RAD52: variants seen among roughly 807,000 people sequenced by gnomAD.
RAD52 encodes the protein RAD52 DNA repair protein, also known as DNA repair protein RAD52 homolog.
A neutral mutation model predicts 55.5 loss-of-function variants in RAD52; 47 were observed. The ratio of observed to expected loss-of-function variants is 0.85; its 90% CI spans 0.67 to 1.08. The LOEUF is 1.08. Among genes scored for constraint, RAD52 ranks in the 50% least tolerant of loss-of-function variants. RAD52 has a pLI of 0.00. For missense variants in RAD52, 468 were observed against 522.8 expected (o/e 0.90, Z 1.02); for synonymous variants, 184 against 198.9 (o/e 0.92, Z 0.63).
chr12:961,309 C>CAAAAAAAAAAAAAAAA (rs60547688), intron 1 of RAD52, among the ~76,000 whole-genome samples: 10 of 33,810 alleles, frequency 3.0e-4, no homozygotes, highest in East Asian at 2.9e-3. Context: ...GACTCCATCT[C>CAAAAAAAAAAAAAAAA]AAAAAAAAAA....
chr12:976,185 TG>T (rs1482656667), intron 1 of RAD52: 2 of 152,306 alleles, frequency 1.3e-5, no homozygotes, highest in East Asian at 3.8e-4. Context: ...CCGGGTGTGG[TG>T]GCGCATGCCT....
chr12:965,885 C>G (rs760134073), intron 1 of RAD52, among the ~76,000 whole-genome samples: 1 of 151,988 alleles, frequency 6.6e-6, no homozygotes, highest in Non-Finnish European at 1.5e-5. Flanking sequence ...CAGGGTTTCG[C>G]CTGTTGGCCA....
At chr12:932,680 G>A (rs1377762767) in intron 2 of RAD52, among the ~76,000 whole-genome samples, 4 of 133,628 alleles carry the variant, frequency 3.0e-5, no homozygotes, top group East Asian at 4.6e-4. Flanking sequence ...ATTCCAAAAT[G>A]CCCTCCAGAG....
At chr12:933,459 GAAA>G (rs35399875) in intron 1 of RAD52, among the ~76,000 whole-genome samples, 1 of 139,710 alleles carries the variant, frequency 7.2e-6, no homozygotes, top group African/African-American at 2.7e-5. Flanking sequence ...TCCATTTCAG[GAAA>G]AAAAAAAAAA....
intron 1 of RAD52, among the ~76,000 whole-genome samples, chr12:971,856 C>T (rs1958861320): frequency 6.6e-6 from 1 of 152,082 alleles, no homozygotes; most frequent in East Asian, 1.9e-4. Context: ...TCACGCCATT[C>T]TCCTGCCTCA....
intron 1 of RAD52, among the ~76,000 whole-genome samples, chr12:941,064 T>G (rs551110895): frequency 1.2e-4 from 19 of 152,256 alleles, no homozygotes; most frequent in African/African-American, 4.6e-4. Flanking sequence ...TAAGAAGCTC[T>G]GCAAATCTCA....
At chr12:987,384 G>A (rs118124032) in intron 1 of RAD52, among the ~76,000 whole-genome samples, 5,997 of 150,942 alleles carry the variant, frequency 0.04, 139 homozygotes, top group Middle Eastern at 0.075. Context: ...TTTTTCTTTT[G>A]GTTCTGCACT....
At chr12:990,791 T>G (rs568898662), upstream of RAD52, among the ~76,000 whole-genome samples, 1 of 150,448 alleles carries the variant, frequency 6.6e-6, no homozygotes, top group Non-Finnish European at 1.5e-5. Context: ...AAGTAGGGGG[T>G]GGGGCGCCGC....
intron 1 of RAD52, chr12:976,663 G>A (rs184957460): frequency 1.3e-5 from 2 of 152,328 alleles, no homozygotes; most frequent in East Asian, 1.9e-4. Flanking sequence ...AGTGACCTCA[G>A]GTGATGCCAT....
At chr12:970,748 A>G (rs968750706) in intron 1 of RAD52, among the ~76,000 whole-genome samples, 3 of 152,194 alleles carry the variant, frequency 2.0e-5, no homozygotes, top group African/African-American at 7.2e-5. Context: ...GGTCCATGAG[A>G]CAAGGAGGTA....
intron 1 of RAD52, chr12:974,775 T>C (rs146250645): frequency 1.4e-4 from 21 of 152,368 alleles, no homozygotes; most frequent in Admixed American, 7.8e-4. Context: ...TTAATACTTA[T>C]AATAACTTTA....
rs191346557 is a variant in RAD52 at position 980,760 on chromosome 12, C to T, written c.-19+9049G>A. On this transcript the variant is annotated intron_variant, in intron 1 of 11. Coordinates refer to the RAD52 transcript ENST00000430095. Reference sequence around the variant, plus strand: ...TTACAGGCATGCACCACCATGCCACCGCGCCTGGGTGCCTTTTCACTTTCT... The same window carrying T: ...TTACAGGCATGCACCACCATGCCACTGCGCCTGGGTGCCTTTTCACTTTCT... Among the ~76,000 whole-genome samples, 69 of 152,148 alleles carry T rather than the reference C, an allele frequency of 4.5e-4. 1 individual carries two copies. Among genetic ancestry groups the T allele is most frequent in the Admixed American group, 2.6e-3 (39 of 15,262 alleles).
chr12:951,432 C>T (rs955647137), upstream of RAD52, among the ~76,000 whole-genome samples: 1 of 152,128 alleles, frequency 6.6e-6, no homozygotes, highest in African/African-American at 2.4e-5. Context: ...CCTTTTTAGT[C>T]GTGTGATCTG....
chr12:976,741 T>C (rs1958939485), intron 1 of RAD52: 1 of 152,214 alleles, frequency 6.6e-6, no homozygotes, highest in Non-Finnish European at 1.5e-5. Context: ...TAAGCTACGA[T>C]AAAATAGAGT....
intron 1 of RAD52, among the ~76,000 whole-genome samples, chr12:969,825 A>C (rs1299390971): frequency 6.6e-6 from 1 of 151,790 alleles, no homozygotes; most frequent in African/African-American, 2.4e-5. Flanking sequence ...TGTGTATACG[A>C]TATTAAGAGT....
intron 9 of RAD52, among the ~76,000 whole-genome samples, chr12:915,621 A>C (rs1956318936): frequency 6.6e-6 from 1 of 152,216 alleles, no homozygotes; most frequent in Non-Finnish European, 1.5e-5. Context: ...AAATAAACTA[A>C]AGTTGATAAA....
chr12:953,311 A>T (rs187438452), upstream of RAD52, among the ~76,000 whole-genome samples: 519 of 151,970 alleles, frequency 3.4e-3, 9 homozygotes, highest in East Asian at 0.024. Flanking sequence ...CTCAAAAAAA[A>T]TAAAAATAAA....
At chr12:972,720 A>C (rs374864680) in intron 1 of RAD52, among the ~76,000 whole-genome samples, 22 of 145,684 alleles carry the variant, frequency 1.5e-4, no homozygotes, top group African/African-American at 5.1e-4. Flanking sequence ...GAGCTGAGAT[A>C]GCACCACTGC....
rs1956166414 is a variant in RAD52 at position 912,752 on chromosome 12, A to AAAAG, written c.*638_*639insCTTT. ...AAAAAAAAAAAAAAAAAAACAAAAAACAGCCTTTTTTCGTGGTCTTAGATG... is the reference window on the plus strand; with the variant it reads ...AAAAAAAAAAAAAAAAAAACAAAAAAAAAGCAGCCTTTTTTCGTGGTCTTAGATG... On this transcript the variant is annotated 3_prime_UTR_variant, in exon 12 of 12. Coordinates refer to ENST00000358495, the MANE Select transcript of RAD52 (RefSeq NM_134424.4). The AAAAG allele has an allele frequency of 5.8e-6, 1 of 171,326 alleles. No individual in the cohort carries two copies. Among genetic ancestry groups the AAAAG allele is most frequent in the Non-Finnish European group, 1.2e-5 (1 of 80,570 alleles). The allele number at this position is 171,326 out of a possible 1,614,324, so 10.6% of individuals were successfully genotyped here.
Sources: gnomAD v4.1 joint callset for allele counts (sites outside exome capture counted in the v4.1 genomes callset) on GRCh38, gnomAD v4.1.1 for gene constraint, MANE v1.5 for transcripts, NCBI Gene and HGNC (gene_info 2026-07-23, HGNC 2026-07-21) for gene names.